SEPTIN3: variants seen among roughly 807,000 people sequenced by gnomAD.
The protein encoded by SEPTIN3 is septin 3, also known as neuronal-specific septin-3.
In SEPTIN3, 15 loss-of-function variants were observed where a neutral mutation model predicts 45.1. That is an observed-to-expected ratio of 0.33 (90% CI 0.22 to 0.51). The LOEUF is 0.51. Ranked by LOEUF, SEPTIN3 falls within the 20% of genes least tolerant of loss-of-function variation. SEPTIN3 has a pLI of 0.97. For synonymous variants in SEPTIN3, 148 were observed against 164.8 expected (o/e 0.90, Z 0.78); for missense variants, 289 against 457.2 (o/e 0.63, Z 3.35).
At position 41,976,794 on chromosome 22, in the gene SEPTIN3, A is replaced by AGCGGCGGCGGCTGGCG. The variant is rs1401236172; in HGVS notation, c.1504+3807_1504+3822dup. The AGCGGCGGCGGCTGGCG allele has an allele frequency of 1.3e-5, 2 of 148,516 alleles. No homozygotes were observed. Among genetic ancestry groups the AGCGGCGGCGGCTGGCG allele is most frequent in the African/African-American group, 4.9e-5 (2 of 40,824 alleles). The allele number at this position is 148,516 out of a possible 1,614,324, so 9.2% of individuals were successfully genotyped here. On this transcript the variant is annotated intron_variant, in intron 2 of 11. Transcript: ENST00000644076. This position sits in a 1 kb window ranked among gnomAD's most constrained non-coding sequence, Gnocchi z 5.8. Reference sequence around the variant, plus strand: ...CGCGCGGTCACGTGGTGCGGGTGGCAGCGGCGGCGGCTGGCGGCGGCGGCA... The same window carrying AGCGGCGGCGGCTGGCG: ...CGCGCGGTCACGTGGTGCGGGTGGCAGCGGCGGCGGCTGGCGGCGGCGGCGGCTGGCGGCGGCGGCA...
At chr22:41,996,783 G>A in intron 11 of SEPTIN3, 119 bp from the exon 12 acceptor site, 1 of 1,542,818 alleles carries the variant, frequency 6.5e-7, no homozygotes, top group Non-Finnish European at 8.7e-7. Flanking sequence ...GAAAGGCTGA[G>A]TAGGAATGGT....
At chr22:41,973,600 G>A (rs1398696050) in intron 2 of SEPTIN3, among the ~76,000 whole-genome samples, 1 of 152,060 alleles carries the variant, frequency 6.6e-6, no homozygotes, top group Non-Finnish European at 1.5e-5. Flanking sequence ...GTGAACCCGG[G>A]AGGTGGAGCT....
chr22:41,995,855 A>T (rs1181159298), intron 11 of SEPTIN3: 46 of 882,584 alleles, frequency 5.2e-5, no homozygotes, highest in Non-Finnish European at 6.1e-5. Context: ...CATGCTAGTC[A>T]TGTGAGACAA....
intron 2 of SEPTIN3, among the ~76,000 whole-genome samples, chr22:41,980,129 CTTTTTTTTT>C (rs569424612): frequency 1.9e-5 from 2 of 103,422 alleles, no homozygotes; most frequent in Admixed American, 9.6e-5. Flanking sequence ...TGCTCAGTGC[CTTTTTTTTT>C]TTTTTTTTTT....
rs1921066908 is a variant in SEPTIN3 at position 41,998,018 on chromosome 22, C to G, written c.*1051C>G. On this transcript the variant is annotated 3_prime_UTR_variant, in exon 12 of 12. Coordinates refer to ENST00000644076, the MANE Select transcript of SEPTIN3 (RefSeq NM_001363845.2). ...GACTTGTGGGCCATTCATCTACAAC[C>G]AAGTCCTGATGGAGCAAGAGGCCCA... is the stretch of plus-strand genomic sequence containing the variant. 1 of 152,686 alleles carries G rather than the reference C, an allele frequency of 6.5e-6. No individual in the cohort carries two copies. Among genetic ancestry groups the G allele is most frequent in the South Asian group, 2.1e-4 (1 of 4,836 alleles). The allele number at this position is 152,686 out of a possible 1,614,324, so 9.5% of individuals were successfully genotyped here. A position where few individuals can be genotyped will look rare whatever the true frequency, so the allele number is the denominator to read the frequency against.
chr22:41,973,800 G>C (rs1200696053), intron 2 of SEPTIN3, among the ~76,000 whole-genome samples: 1 of 152,058 alleles, frequency 6.6e-6, no homozygotes, highest in African/African-American at 2.4e-5. Context: ...GGCCAACATG[G>C]TGATACCCCG....
In SEPTIN3 at chr22:41,972,085, G is replaced by A. The variant is rs193280044; in HGVS notation, c.593G>A (p.Arg198Gln). ...SSYLALPFQS[R>Q]LAQSAPVLAE... The stretch of plus-strand genomic sequence containing the variant: ...TACCTAGCCTTACCTTTCCAATCCC[G>A]GTTAGCCCAGAGTGCACCAGTCCTT... Residue 198 changes from arginine to glutamine, a missense_variant, in exon 2 of 12, where the codon CGG (arginine) becomes CAG (glutamine). Arg to Gln is a conservative substitution (Grantham distance 43). Coordinates refer to ENST00000644076, the MANE Select transcript of SEPTIN3 (RefSeq NM_001363845.2). 172 of 399,078 alleles carry A rather than the reference G, an allele frequency of 4.3e-4. 1 individual carries two copies. In the East Asian group the frequency reaches 5.6e-3, roughly 13 times the overall value. The allele number at this position is 399,078 out of a possible 1,614,324, so 24.7% of individuals were successfully genotyped here.
rs1001762370 is a variant in SEPTIN3, at chr22:41,995,519, C to G, written c.2505+805C>G. On this transcript the variant is annotated intron_variant, in intron 11 of 11. Transcript: ENST00000644076. ...CTTCTTTCTCCCTTTCCCTCCTTCC[C>G]TCATACATTGCTTTCTCTCCCTCTC... The G allele has an allele frequency of 1.5e-5, 15 of 985,464 alleles. No homozygotes were observed. The African/African-American group carries it at 2.3e-4, about 15-fold the overall frequency. 61.0% of individuals were successfully genotyped at this position (985,464 alleles called of 1,614,324 possible).
Position 41,994,764 on chromosome 22 carries a change from T to G in SEPTIN3, c.2505+50T>G. 6.2e-7 allele frequency: 1 copy of G among 1,613,860 alleles called. No individual in the cohort carries two copies. The highest frequency in any genetic ancestry group is 8.5e-7 in the Non-Finnish European group (1 of 1,180,004). On this transcript the variant is annotated intron_variant, in intron 11 of 11. Coordinates refer to ENST00000644076, the MANE Select transcript of SEPTIN3 (RefSeq NM_001363845.2). This position sits in a 1 kb window ranked among gnomAD's most constrained non-coding sequence, Gnocchi z 4.2. ...CACGACAGTAACCCATGACGACCACTTCTCTGTGTCATCACACATACCCAC... is the reference window on the plus strand; with the variant it reads ...CACGACAGTAACCCATGACGACCACGTCTCTGTGTCATCACACATACCCAC...
In SEPTIN3 at chr22:41,985,919, G is replaced by A; in HGVS notation, c.1697-65G>A. The A allele has an allele frequency of 3.9e-6, 6 of 1,521,036 alleles. No homozygotes were observed. The South Asian group carries it at 7.4e-5, about 19-fold the overall frequency. The allele number at this position is 1,521,036 out of a possible 1,614,324, so 94.2% of individuals were successfully genotyped here. The stretch of plus-strand genomic sequence containing the variant: ...GGCTCTAGAATTCTGTAAGCTTATG[G>A]AGAAATATTAGGCTCAGGAGGTGGA... On this transcript the variant is annotated intron_variant, in intron 3 of 11. Transcript: ENST00000644076.
At chr22:41,992,519 C>A (rs1026492675) in intron 8 of SEPTIN3, 145 bp from the exon 9 acceptor site, 3 of 586,222 alleles carry the variant, frequency 5.1e-6, no homozygotes, top group Non-Finnish European at 9.2e-6. Context: ...TGAGCCTTGC[C>A]CTTGCCATCA....
At chr22:41,978,081 G>A (rs2078059168) in intron 2 of SEPTIN3, among the ~76,000 whole-genome samples, 2 of 152,128 alleles carry the variant, frequency 1.3e-5, no homozygotes, top group Admixed American at 1.3e-4. Flanking sequence ...CCCACCCTTG[G>A]GGAGCCCCCC....
rs764763181 is a variant in SEPTIN3 at position 41,971,713 on chromosome 22, G to A, written c.221G>A (p.Gly74Glu). Residue 74 changes from glycine to glutamate, a missense_variant, in exon 2 of 12, where the codon GGA (glycine) becomes GAA (glutamate). Coordinates refer to ENST00000644076, the MANE Select transcript of SEPTIN3 (RefSeq NM_001363845.2). ...CAGACCTCCAGCCGGCTGGGCCTTGGAGCCAGGACCCGGAGTGTGCCCCCA... is the reference window on the plus strand; with the variant it reads ...CAGACCTCCAGCCGGCTGGGCCTTGAAGCCAGGACCCGGAGTGTGCCCCCA... The part of the protein sequence containing the change: ...IPQTSSRLGL[G>E]ARTRSVPPQE... The A allele has an allele frequency of 5.0e-6, 2 of 399,200 alleles. No homozygotes were observed. Among genetic ancestry groups the A allele is most frequent in the Admixed American group, 4.4e-5 (1 of 22,732 alleles). 24.7% of individuals were successfully genotyped at this position (399,200 alleles called of 1,614,324 possible).
At chr22:41,985,822 C>T (rs2078197053) in intron 3 of SEPTIN3, 162 bp from the exon 4 acceptor site, 2 of 755,440 alleles carry the variant, frequency 2.6e-6, no homozygotes, top group Non-Finnish European at 4.1e-6. Flanking sequence ...AAGCCATTCC[C>T]ACCTGCCTGC....
chr22:41,988,664 T>C (rs1321473272), intron 6 of SEPTIN3, among the ~76,000 whole-genome samples: 2 of 152,152 alleles, frequency 1.3e-5, no homozygotes, highest in African/African-American at 2.4e-5. Flanking sequence ...ACTGACTTAG[T>C]GAGTCCCTGA....
At chr22:41,970,223 C>G (rs1420086761) in intron 1 of SEPTIN3, among the ~76,000 whole-genome samples, 3 of 152,104 alleles carry the variant, frequency 2.0e-5, no homozygotes, top group Non-Finnish European at 4.4e-5. Context: ...ACCAAACCAA[C>G]TTTTTTCTAG....
chr22:41,973,986 TA>T, intron 2 of SEPTIN3, among the ~76,000 whole-genome samples: 1 of 150,326 alleles, frequency 6.7e-6, no homozygotes, highest in South Asian at 2.1e-4. Context: ...TCTCAAAAAA[TA>T]AAATAAGATA....
At chr22:41,981,886 G>C in intron 3 of SEPTIN3, 50 bp downstream of exon 3, 1 of 1,536,910 alleles carries the variant, frequency 6.5e-7, no homozygotes, top group Non-Finnish European at 8.9e-7. Context: ...GCAGCACCAA[G>C]GATCCCATTT....
intron 11 of SEPTIN3, chr22:41,995,346 C>A: frequency 1.0e-6 from 1 of 988,672 alleles, no homozygotes; most frequent in Non-Finnish European, 1.2e-6. Flanking sequence ...TTGCAGAAAG[C>A]ATCAGTGCCT....
Sources: gnomAD v4.1 joint callset for allele counts (sites outside exome capture counted in the v4.1 genomes callset) on GRCh38, gnomAD v4.1.1 for gene constraint, Gnocchi (gnomAD v3.1) non-coding constraint, MANE v1.5 for transcripts, NCBI Gene and HGNC (gene_info 2026-07-23, HGNC 2026-07-21) for gene names.